Variants in RAP1GAP2 observed in about 807,000 individuals in gnomAD.
RAP1GAP2 encodes the protein RAP1 GTPase activating protein 2, also known as rap1 GTPase-activating protein 2.
A neutral mutation model predicts 95.0 loss-of-function variants in RAP1GAP2; 27 were observed. The ratio of observed to expected loss-of-function variants is 0.28; its 90% confidence interval spans 0.21 to 0.39. The LOEUF is 0.39. RAP1GAP2 is among the 10% of genes least tolerant of loss of function. The pLI, the probability that RAP1GAP2 is intolerant of heterozygous loss-of-function variation, is 1.00. For synonymous variants in RAP1GAP2, 373 were observed against 380.9 expected (o/e 0.98, Z 0.24); for missense variants, 771 against 970.0 (o/e 0.79, Z 2.72).
chr17:2,942,159 C>T (rs1418860804), intron 3 of RAP1GAP2, among the ~76,000 whole-genome samples: 1 of 152,148 alleles, frequency 6.6e-6, no homozygotes, highest in African/African-American at 2.4e-5. Flanking sequence ...TCATTCTGGG[C>T]AAGTTGCTTA....
intron 1 of RAP1GAP2, among the ~76,000 whole-genome samples, chr17:2,761,429 C>T (rs1054523675): frequency 1.3e-5 from 2 of 151,824 alleles, no homozygotes; most frequent in Non-Finnish European, 1.5e-5. Context: ...GCTGGGATTA[C>T]AGGCATGTGC....
At chr17:2,798,176 T>G (rs1197284253) in intron 1 of RAP1GAP2, among the ~76,000 whole-genome samples, 1 of 152,110 alleles carries the variant, frequency 6.6e-6, no homozygotes, top group African/African-American at 2.4e-5. Flanking sequence ...CTTAATGAAA[T>G]GCACATTCAG....
chr17:2,891,958 GGACTACAGT>G (rs1352414667), intron 2 of RAP1GAP2, among the ~76,000 whole-genome samples: 1 of 150,924 alleles, frequency 6.6e-6, no homozygotes. Context: ...CAAGTAGCTG[GGACTACAGT>G]CATGTGCCAC....
intron 19 of RAP1GAP2, among the ~76,000 whole-genome samples, chr17:3,024,390 G>A (rs1315664607): frequency 6.6e-6 from 1 of 152,212 alleles, no homozygotes; most frequent in Non-Finnish European, 1.5e-5. Context: ...AAGACAAATA[G>A]TAACAGATGT....
At chr17:2,993,856 G>A (rs970577033) in intron 12 of RAP1GAP2, among the ~76,000 whole-genome samples, 1 of 151,626 alleles carries the variant, frequency 6.6e-6, no homozygotes, top group African/African-American at 2.4e-5. Flanking sequence ...GCAACATGGT[G>A]AGACCCTGTC....
chr17:2,876,742 A>G (rs2073112390), intron 2 of RAP1GAP2, among the ~76,000 whole-genome samples: 1 of 152,124 alleles, frequency 6.6e-6, no homozygotes, highest in Non-Finnish European at 1.5e-5. Context: ...TCCAAAGGCG[A>G]GGAGAGCATA....
chr17:2,803,216 G>A (rs1484179363), intron 2 of RAP1GAP2, among the ~76,000 whole-genome samples: 2 of 152,240 alleles, frequency 1.3e-5, no homozygotes, highest in African/African-American at 4.8e-5. Flanking sequence ...TGGGACCCCA[G>A]TGAGGTCTCT....
intron 2 of RAP1GAP2, among the ~76,000 whole-genome samples, chr17:2,837,592 G>C (rs923801954): frequency 7.4e-5 from 11 of 148,258 alleles, no homozygotes; most frequent in African/African-American, 2.8e-4. Flanking sequence ...CTGTGTCAGG[G>C]TGTCAGCCCT....
At chr17:2,760,904 G>T (rs1425248712) in intron 1 of RAP1GAP2, among the ~76,000 whole-genome samples, 1 of 152,026 alleles carries the variant, frequency 6.6e-6, no homozygotes, top group East Asian at 1.9e-4. Flanking sequence ...GGTATTATGA[G>T]TTTTGGGGAG....
chr17:3,006,052 G>T lies in RAP1GAP2; in HGVS notation c.1359+11G>T. 6.2e-7 allele frequency: 1 copy of T among 1,607,696 alleles called. No homozygotes were observed. Among genetic ancestry groups the T allele is most frequent in the Non-Finnish European group, 8.5e-7 (1 of 1,175,546 alleles). On this transcript the variant is annotated intron_variant, in intron 16 of 24. Coordinates refer to ENST00000254695, the MANE Select transcript of RAP1GAP2 (RefSeq NM_015085.5). The stretch of plus-strand genomic sequence containing the variant: ...TTTGCAAAGCTGGAGGTGAGAGTGT[G>T]GTTTCTGAAGGTCTCCCTCCTGACT...
intron 3 of RAP1GAP2, among the ~76,000 whole-genome samples, chr17:2,955,090 G>A (rs149420753): frequency 6.6e-5 from 10 of 152,356 alleles, no homozygotes; most frequent in Middle Eastern, 3.4e-3. Context: ...GTGAATGTTT[G>A]TGTACAAGTA....
chr17:2,938,094 A>G (rs757177606), intron 3 of RAP1GAP2, among the ~76,000 whole-genome samples: 2 of 152,154 alleles, frequency 1.3e-5, no homozygotes, highest in African/African-American at 2.4e-5. Flanking sequence ...GATCATCACA[A>G]TCCCCATTGA....
At position 3,027,118 on chromosome 17, in the gene RAP1GAP2, G is replaced by A. The variant is rs1208826049; in HGVS notation, c.2107+48G>A. On this transcript the variant is annotated intron_variant, in intron 22 of 24. Transcript: ENST00000254695. The surrounding 1 kb of genome is among the most constrained non-coding windows in gnomAD (Gnocchi z 5.2). ...TGTGACGTCACCAGGAGGGCAGGCT[G>A]TGCCCTGTCCACTGTTAGCAGGGCC... The A allele has an allele frequency of 2.0e-6, 3 of 1,527,892 alleles. No homozygotes were observed. The highest frequency in any genetic ancestry group is 1.3e-5 in the South Asian group (1 of 79,694). 94.6% of individuals were successfully genotyped at this position (1,527,892 alleles called of 1,614,324 possible).
chr17:2,920,782 C>T (rs1222167964), intron 3 of RAP1GAP2, among the ~76,000 whole-genome samples: 4 of 152,206 alleles, frequency 2.6e-5, no homozygotes, highest in African/African-American at 7.2e-5. Context: ...TTGATAATCC[C>T]GCCCTTCTGC....
At chr17:3,000,023 C>T (rs1389971691) in intron 14 of RAP1GAP2, among the ~76,000 whole-genome samples, 1 of 152,192 alleles carries the variant, frequency 6.6e-6, no homozygotes, top group Non-Finnish European at 1.5e-5. Flanking sequence ...TCTCGGCTCA[C>T]TGCAACCTCT....
chr17:2,826,709 A>C (rs2070581235), intron 2 of RAP1GAP2, among the ~76,000 whole-genome samples: 1 of 152,100 alleles, frequency 6.6e-6, no homozygotes, highest in Non-Finnish European at 1.5e-5. Flanking sequence ...CACGTGCAGC[A>C]TGAAAGGAGG....
intron 1 of RAP1GAP2, among the ~76,000 whole-genome samples, chr17:2,781,934 G>A (rs2068670737): frequency 6.6e-6 from 1 of 152,034 alleles, no homozygotes; most frequent in African/African-American, 2.4e-5. Context: ...GTCTCTGTGT[G>A]GGCAGGTCTC....
At chr17:2,887,161 G>A (rs923551744) in intron 2 of RAP1GAP2, among the ~76,000 whole-genome samples, 1 of 151,746 alleles carries the variant, frequency 6.6e-6, no homozygotes, top group African/African-American at 2.4e-5. Context: ...AGGTCCAAGC[G>A]ATTCTAGTGC....
intron 1 of RAP1GAP2, among the ~76,000 whole-genome samples, chr17:2,768,773 A>G (rs2068325798): frequency 2.6e-5 from 4 of 150,996 alleles, no homozygotes; most frequent in Admixed American, 6.6e-5. Flanking sequence ...TAGGAGGGAG[A>G]TCACCTTCAT....
Sources: allele counts gnomAD v4.1 joint callset (sites outside exome capture counted in the v4.1 genomes callset), GRCh38; gene constraint gnomAD v4.1.1; non-coding constraint Gnocchi (gnomAD v3.1); transcripts MANE v1.5; gene names NCBI Gene and HGNC (gene_info 2026-07-23, HGNC 2026-07-21).